Variants in ACYP2 observed in about 807,000 individuals in gnomAD.
ACYP2 encodes the protein acylphosphatase 2.
ACYP2 carries 12 observed loss-of-function variants against 11.2 expected under a neutral mutation model. That is an observed-to-expected ratio of 1.08 (90% CI 0.69 to 1.74). The LOEUF (loss-of-function observed/expected upper bound fraction) is 1.74. Ranked by LOEUF, ACYP2 falls within the 40% of genes most tolerant of loss-of-function variation. ACYP2 has a pLI of 0.00. For synonymous variants in ACYP2, 43 were observed against 32.2 expected, an observed-to-expected ratio of 1.33 and a Z score of -1.13; for missense variants, 134 against 101.9, an observed-to-expected ratio of 1.31 and a Z score of -1.35.
At chr2:54,208,193 TA>T (rs77750190) in intron 6 of ACYP2, among the ~76,000 whole-genome samples, 1,741 of 142,176 alleles carry the variant, frequency 0.012, 18 homozygotes, top group African/African-American at 0.027. Flanking sequence ...CAGTTCACAC[TA>T]AAAAAAAAAA....
At chr2:54,025,827 G>A (rs113929337) in intron 2 of ACYP2, among the ~76,000 whole-genome samples, 45 of 152,314 alleles carry the variant, frequency 3.0e-4, no homozygotes, top group African/African-American at 1.0e-3. Flanking sequence ...TAGGCATGGT[G>A]GCTCATGCCT....
intron 4 of ACYP2, among the ~76,000 whole-genome samples, chr2:54,128,903 C>A (rs890359773): frequency 1.3e-5 from 2 of 152,104 alleles, no homozygotes; most frequent in Non-Finnish European, 2.9e-5. Context: ...GCAGATCTTA[C>A]CCACTTGGTC....
At chr2:54,070,285 AAAAG>A (rs1327637171) in intron 4 of ACYP2, among the ~76,000 whole-genome samples, 9 of 151,834 alleles carry the variant, frequency 5.9e-5, no homozygotes, top group South Asian at 2.1e-4. Context: ...AAAAAAAAAA[AAAAG>A]AAAGAAAGAA....
chr2:54,206,744 T>C (rs1685083133), intron 6 of ACYP2, among the ~76,000 whole-genome samples: 1 of 152,230 alleles, frequency 6.6e-6, no homozygotes, highest in South Asian at 2.1e-4. Flanking sequence ...GCAAACTAAA[T>C]GTTCCCCTGT....
intron 2 of ACYP2, among the ~76,000 whole-genome samples, chr2:54,028,429 C>T (rs1280736339): frequency 6.6e-6 from 1 of 152,126 alleles, no homozygotes; most frequent in Non-Finnish European, 1.5e-5. Flanking sequence ...TTCCCCTCAG[C>T]CTCCTGGCTC....
At chr2:54,297,109 T>G (rs73933612) in intron 6 of ACYP2, among the ~76,000 whole-genome samples, 3,121 of 151,844 alleles carry the variant, frequency 0.021, 119 homozygotes, top group African/African-American at 0.071. Flanking sequence ...GGTGAACACT[T>G]TTCCTGTTTT....
chr2:54,277,361 A>G (rs1459772001), intron 6 of ACYP2, among the ~76,000 whole-genome samples: 1 of 152,110 alleles, frequency 6.6e-6, no homozygotes, highest in Admixed American at 6.5e-5. Context: ...AACACACACA[A>G]ATCCTTTAAT....
intron 4 of ACYP2, among the ~76,000 whole-genome samples, chr2:54,100,371 C>T (rs1014842880): frequency 1.7e-4 from 25 of 149,994 alleles, no homozygotes; most frequent in African/African-American, 4.7e-4. Flanking sequence ...GGCATGATCA[C>T]GGCTCACTGA....
chr2:54,292,989 T>C (rs1466978224), intron 6 of ACYP2, among the ~76,000 whole-genome samples: 1 of 152,236 alleles, frequency 6.6e-6, no homozygotes, highest in African/African-American at 2.4e-5. Flanking sequence ...TACCTGCTAC[T>C]GCACCCTGAC....
At chr2:54,148,144 C>T (rs1018955887) in intron 6 of ACYP2, among the ~76,000 whole-genome samples, 1 of 151,966 alleles carries the variant, frequency 6.6e-6, no homozygotes. Flanking sequence ...CTTTTCCTGA[C>T]CCACCCCAAA....
At chr2:54,160,680 A>G (rs145518493) in intron 6 of ACYP2, among the ~76,000 whole-genome samples, 279 of 152,318 alleles carry the variant, frequency 1.8e-3, no homozygotes, top group Middle Eastern at 3.4e-3. Context: ...GTTTTTGGGA[A>G]CATGTGACTG....
chr2:54,024,008 A>G (rs553259465), intron 2 of ACYP2, among the ~76,000 whole-genome samples: 1 of 152,334 alleles, frequency 6.6e-6, no homozygotes, highest in South Asian at 2.1e-4. Flanking sequence ...AATACAGAGC[A>G]ATATCCCTGA....
intron 2 of ACYP2, among the ~76,000 whole-genome samples, chr2:54,004,830 G>C (rs1488935964): frequency 1.4e-5 from 2 of 147,372 alleles, no homozygotes; most frequent in East Asian, 4.0e-4. Context: ...GGAAGGCAGA[G>C]GTTGCAGTGA....
At chr2:54,188,099 T>C (rs1433447506) in intron 6 of ACYP2, among the ~76,000 whole-genome samples, 2 of 152,298 alleles carry the variant, frequency 1.3e-5, no homozygotes, top group East Asian at 3.9e-4. Flanking sequence ...TTTCTCCTCT[T>C]TATAAATTAT....
chr2:54,161,656 C>T (rs2103830084), intron 6 of ACYP2, among the ~76,000 whole-genome samples: 1 of 152,214 alleles, frequency 6.6e-6, no homozygotes. Context: ...ATACAACTGC[C>T]AAATTTTTAG....
intron 6 of ACYP2, among the ~76,000 whole-genome samples, chr2:54,269,423 G>T (rs989510695): frequency 6.6e-6 from 1 of 152,156 alleles, no homozygotes; most frequent in Non-Finnish European, 1.5e-5. Context: ...ACTTTAAAAA[G>T]AATTATGATA....
At chr2:53,972,088 T>A (rs1454892261) in intron 1 of ACYP2, among the ~76,000 whole-genome samples, 1 of 151,746 alleles carries the variant, frequency 6.6e-6, no homozygotes, top group Non-Finnish European at 1.5e-5. Flanking sequence ...GGCGGGCGGA[T>A]CACGAGGTCA....
At chr2:54,153,852 G>A (rs764988419) in intron 6 of ACYP2, among the ~76,000 whole-genome samples, 1 of 151,926 alleles carries the variant, frequency 6.6e-6, no homozygotes, top group African/African-American at 2.4e-5. Flanking sequence ...TGCCTGCCTC[G>A]GCCTCCCAAA....
chr2:54,002,274 A>C (rs574231005), intron 2 of ACYP2, among the ~76,000 whole-genome samples: 1 of 152,238 alleles, frequency 6.6e-6, no homozygotes, highest in South Asian at 2.1e-4. Flanking sequence ...AGTGTTTTCC[A>C]ATTGTCATCT....
Sources: gnomAD v4.1 joint callset for allele counts (sites outside exome capture counted in the v4.1 genomes callset) on GRCh38, gnomAD v4.1.1 for gene constraint, MANE v1.5 for transcripts, NCBI Gene and HGNC (gene_info 2026-07-23, HGNC 2026-07-21) for gene names.